PRKD1: variants seen among roughly 807,000 people sequenced by gnomAD.
PRKD1 encodes serine/threonine-protein kinase D1.
A neutral mutation model predicts 95.9 loss-of-function variants in PRKD1; 63 were observed. The observed-to-expected ratio is 0.66, with a 90% CI of 0.54 to 0.81. The LOEUF is 0.81. Among genes scored for constraint, PRKD1 ranks in the 30% least tolerant of loss-of-function variants. The pLI is 0.00. For missense variants in PRKD1, 1,048 were observed against 1,165.3 expected, an observed-to-expected ratio of 0.90 and a Z score of 1.47; for synonymous variants, 425 against 423.1, an observed-to-expected ratio of 1.00 and a Z score of -0.05.
chr14:29,894,488 GA>G (rs1356940648), intron 1 of PRKD1, among the ~76,000 whole-genome samples: 1 of 152,202 alleles, frequency 6.6e-6, no homozygotes, highest in Non-Finnish European at 1.5e-5. Flanking sequence ...GACATATGGA[GA>G]ATATTCTAGT....
At chr14:29,922,209 G>A (rs921920724) in intron 1 of PRKD1, among the ~76,000 whole-genome samples, 4 of 151,318 alleles carry the variant, frequency 2.6e-5, no homozygotes, top group Admixed American at 6.6e-5. Flanking sequence ...GCTGAGGCAG[G>A]AGAATGCTGT....
intron 1 of PRKD1, among the ~76,000 whole-genome samples, chr14:29,858,886 C>CCAT (rs1482938502): frequency 6.6e-6 from 1 of 152,106 alleles, no homozygotes; most frequent in Admixed American, 6.5e-5. Flanking sequence ...ACCTATTGCA[C>CCAT]CTATAAGTGT....
At chr14:29,647,528 T>C (rs1446910104) in intron 4 of PRKD1, among the ~76,000 whole-genome samples, 3 of 152,126 alleles carry the variant, frequency 2.0e-5, no homozygotes, top group Non-Finnish European at 4.4e-5. Flanking sequence ...TAGAGGTAAA[T>C]ATTCCCATAG....
intron 1 of PRKD1, among the ~76,000 whole-genome samples, chr14:29,774,063 C>T (rs369951195): frequency 4.6e-5 from 7 of 152,258 alleles, no homozygotes; most frequent in Non-Finnish European, 7.3e-5. Flanking sequence ...CCAGAAAAGA[C>T]GATATCTAAA....
At chr14:29,626,768 G>T (rs1879658256) in intron 11 of PRKD1, among the ~76,000 whole-genome samples, 1 of 143,990 alleles carries the variant, frequency 6.9e-6, no homozygotes. Context: ...AGGCTGGAGT[G>T]CAGTGGCGCA....
Position 29,815,667 on chromosome 14 carries a change from T to C in PRKD1, c.265-89993A>G, listed in dbSNP as rs182533713. On this transcript the variant is annotated intron_variant, in intron 1 of 17. Coordinates refer to ENST00000331968, the MANE Select transcript of PRKD1 (RefSeq NM_002742.3). ...TCTCAAGGTTTTTCCTAAGTGACTA[T>C]TAAGAATGTATATACTTTAAAAGTC... Among the ~76,000 whole-genome samples the C allele has an allele frequency of 7.7e-4, 118 of 152,354 alleles. No homozygotes were observed. In the South Asian group the frequency reaches 0.022, roughly 28 times the overall value.
Position 29,881,093 on chromosome 14 carries a change from G to A in PRKD1, c.264+46156C>T, listed in dbSNP as rs113654014. Among the ~76,000 whole-genome samples, 927 of 152,260 alleles carry A rather than the reference G, an allele frequency of 6.1e-3. 5 individuals carry two copies. Among genetic ancestry groups the A allele is most frequent in the Admixed American group, 9.1e-3 (139 of 15,298 alleles). ...GGCATGATTGGTTTTGAAATGTGAG[G>A]ACATGAGATTTGGAGGGGCCAGGGG... On this transcript the variant is annotated intron_variant, in intron 1 of 17. Transcript: ENST00000331968.
At chr14:29,665,877 C>T (rs544982226) in intron 3 of PRKD1, among the ~76,000 whole-genome samples, 200 bp downstream of exon 3, 1 of 151,954 alleles carries the variant, frequency 6.6e-6, no homozygotes, top group African/African-American at 2.4e-5. Context: ...TTTTCTCAAC[C>T]AAACGAGTGG....
intron 1 of PRKD1, among the ~76,000 whole-genome samples, chr14:29,860,570 C>T (rs1892674192): frequency 6.6e-6 from 1 of 151,976 alleles, no homozygotes; most frequent in Non-Finnish European, 1.5e-5. Flanking sequence ...AAGTTGTTGC[C>T]CAGAGCTGAT....
chr14:29,587,648 TA>T (rs2138975233), intron 16 of PRKD1, among the ~76,000 whole-genome samples: 1 of 152,340 alleles, frequency 6.6e-6, no homozygotes, highest in East Asian at 1.9e-4. Context: ...GCTATCAAAA[TA>T]AATGATTCTT....
intron 1 of PRKD1, among the ~76,000 whole-genome samples, chr14:29,907,821 GT>G (rs146390352): frequency 0.011 from 1,671 of 152,180 alleles, 28 homozygotes; most frequent in African/African-American, 0.039. Flanking sequence ...ATAAAATGGA[GT>G]TTTTTACTAC....
chr14:29,885,046 C>T (rs567799202), intron 1 of PRKD1, among the ~76,000 whole-genome samples: 26 of 151,658 alleles, frequency 1.7e-4, no homozygotes, highest in African/African-American at 6.3e-4. Context: ...TGGCGTGAAC[C>T]CGGGAGGCGG....
At chr14:29,633,991 C>G (rs1566501247) in intron 8 of PRKD1, among the ~76,000 whole-genome samples, 2 of 152,148 alleles carry the variant, frequency 1.3e-5, no homozygotes, top group Admixed American at 6.6e-5. Context: ...TTCCAATGTT[C>G]CTGAATGGGT....
intron 1 of PRKD1, among the ~76,000 whole-genome samples, chr14:29,817,622 T>C (rs890535616): frequency 6.6e-6 from 1 of 152,122 alleles, no homozygotes; most frequent in African/African-American, 2.4e-5. Flanking sequence ...AATCTCCATT[T>C]TACAGACGAG....
At chr14:29,884,919 A>G (rs897728490) in intron 1 of PRKD1, among the ~76,000 whole-genome samples, 6 of 152,078 alleles carry the variant, frequency 3.9e-5, no homozygotes, top group Non-Finnish European at 2.9e-5. Context: ...TCAGGAGATC[A>G]AGACCATCCT....
At chr14:29,715,257 A>C (rs956329687) in intron 2 of PRKD1, among the ~76,000 whole-genome samples, 1 of 151,916 alleles carries the variant, frequency 6.6e-6, no homozygotes, top group Non-Finnish European at 1.5e-5. Context: ...AGTGTGATCC[A>C]AGTTTATACC....
chr14:29,779,910 A>G (rs1206153012), intron 1 of PRKD1, among the ~76,000 whole-genome samples: 1 of 152,202 alleles, frequency 6.6e-6, no homozygotes, highest in Non-Finnish European at 1.5e-5. Context: ...ACAGTAACCA[A>G]AACAGCATGG....
intron 2 of PRKD1, among the ~76,000 whole-genome samples, chr14:29,691,675 A>G (rs1884246224): frequency 6.6e-6 from 1 of 152,144 alleles, no homozygotes; most frequent in Admixed American, 6.6e-5. Flanking sequence ...AACCACAATT[A>G]CTTTTGCAAC....
Position 29,666,084 on chromosome 14 carries a change from T to C in PRKD1, c.528A>G (p.Lys176=). 1 of 1,589,784 alleles carries C rather than the reference T, an allele frequency of 6.3e-7. No individual in the cohort carries two copies. The highest frequency in any genetic ancestry group is 8.6e-7 in the Non-Finnish European group (1 of 1,163,568). ...MLWGLVRQGL[K]CEGCGLNYHK... is the part of the protein sequence containing the mutation. The stretch of plus-strand genomic sequence containing the variant: ...GGGAAGAAAATAACTTACCTTCACA[T>C]TTAAGACCTTGACGTACCAGCCCCC... Residue 176 remains lysine, a synonymous_variant, in exon 3 of 18, where the codon AAA becomes AAG. Transcript: ENST00000331968.
Sources: allele counts gnomAD v4.1 joint callset (sites outside exome capture counted in the v4.1 genomes callset), GRCh38; gene constraint gnomAD v4.1.1; transcripts MANE v1.5; gene names NCBI Gene and HGNC (gene_info 2026-07-23, HGNC 2026-07-21).